Variants in FAM117B observed in about 807,000 individuals in gnomAD.
FAM117B encodes family with sequence similarity 117 member B, also known as protein FAM117B.
FAM117B carries 22 observed loss-of-function variants against 52.8 expected under a neutral mutation model. That is an observed-to-expected ratio of 0.42 (90% CI 0.30 to 0.59). The LOEUF is 0.59. FAM117B is among the 20% of genes least tolerant of loss of function. The probability of loss-of-function intolerance (pLI) is 0.22; values close to 1 mark genes in which losing one functional copy is unlikely to be tolerated. For missense variants in FAM117B, 678 were observed against 802.6 expected (o/e 0.84, Z 1.88); for synonymous variants, 309 against 324.1 (o/e 0.95, Z 0.50).
In FAM117B at chr2:202,689,919, G is replaced by A. The variant is rs548785513; in HGVS notation, c.602-5962G>A. Among the ~76,000 whole-genome samples the A allele has an allele frequency of 3.3e-5, 5 of 152,220 alleles. No homozygotes were observed. In the Middle Eastern group the frequency reaches 0.01, roughly 311 times the overall value. On this transcript the variant is annotated intron_variant, in intron 1 of 7. Coordinates refer to ENST00000392238, the MANE Select transcript of FAM117B (RefSeq NM_173511.4). ...ATCCTGCCACTGCAGTTCGGCCTGG[G>A]TGACAGAGTGAGACCCTGTCTCCAA...
At chr2:202,701,808 C>T (rs1242318204) in intron 2 of FAM117B, among the ~76,000 whole-genome samples, 5 of 152,142 alleles carry the variant, frequency 3.3e-5, no homozygotes, top group Non-Finnish European at 7.4e-5. Context: ...AAAACTTAAG[C>T]ATGACAAATT....
intron 1 of FAM117B, among the ~76,000 whole-genome samples, chr2:202,679,626 C>T (rs546450551): frequency 3.4e-4 from 52 of 152,236 alleles, no homozygotes; most frequent in South Asian, 8.3e-4. Context: ...CCAAAAGGGC[C>T]GTGCCTTAAA....
chr2:202,636,020 C>T (rs1490476483), intron 1 of FAM117B, among the ~76,000 whole-genome samples: 1 of 151,312 alleles, frequency 6.6e-6, no homozygotes, highest in Non-Finnish European at 1.5e-5. Flanking sequence ...CCGCCCCGCA[C>T]GGCTCCCTGG....
At chr2:202,667,397 G>A (rs567117451) in intron 1 of FAM117B, among the ~76,000 whole-genome samples, 60 of 152,148 alleles carry the variant, frequency 3.9e-4, no homozygotes, top group African/African-American at 1.3e-3. Context: ...CACCACGCCC[G>A]GCCTAAGTAT....
At chr2:202,754,926 A>T (rs1160089524) in intron 4 of FAM117B, among the ~76,000 whole-genome samples, 1 of 151,030 alleles carries the variant, frequency 6.6e-6, no homozygotes, top group African/African-American at 2.4e-5. Flanking sequence ...ATTGACTAAC[A>T]GTTCTGCAGG....
At chr2:202,699,426 CAAAAAAAAAAAAA>C (rs751190825) in intron 2 of FAM117B, among the ~76,000 whole-genome samples, 1 of 17,914 alleles carries the variant, frequency 5.6e-5, no homozygotes, top group African/African-American at 1.8e-4. Context: ...GACCCCATCT[CAAAAAAAAAAAAA>C]AAAAAAAAAG....
Position 202,731,761 on chromosome 2 carries a change from G to A in FAM117B, c.960+5398G>A, listed in dbSNP as rs115576441. Among the ~76,000 whole-genome samples the A allele has an allele frequency of 3.6e-3, 540 of 149,478 alleles. 4 individuals are homozygous for A. The highest frequency in any genetic ancestry group is 0.013 in the African/African-American group (521 of 40,570). On this transcript the variant is annotated intron_variant, in intron 4 of 7. Coordinates refer to ENST00000392238, the MANE Select transcript of FAM117B (RefSeq NM_173511.4). Reference sequence around the variant, plus strand: ...TTTTTGTTTGTTTGTTTGCGACGGAGTTTCACTCTTTATGCCCAGGCTAGA... The same window carrying A: ...TTTTTGTTTGTTTGTTTGCGACGGAATTTCACTCTTTATGCCCAGGCTAGA...
At chr2:202,706,703 A>G (rs1384897858) in intron 2 of FAM117B, among the ~76,000 whole-genome samples, 2 of 152,250 alleles carry the variant, frequency 1.3e-5, no homozygotes, top group Admixed American at 1.3e-4. Context: ...TTTTAATGTT[A>G]TGAAAATGAA....
chr2:202,669,531 A>G, intron 1 of FAM117B, among the ~76,000 whole-genome samples: 1 of 150,252 alleles, frequency 6.7e-6, no homozygotes, highest in East Asian at 1.9e-4. Flanking sequence ...AATTTTCTAG[A>G]TTTTTTTTTT....
chr2:202,699,535 G>A (rs1331322922), intron 2 of FAM117B, among the ~76,000 whole-genome samples: 3 of 149,460 alleles, frequency 2.0e-5, no homozygotes, highest in African/African-American at 7.4e-5. Flanking sequence ...TCTCCTAAAG[G>A]ATAACTGGGT....
chr2:202,639,095 G>T (rs893031320), intron 1 of FAM117B, among the ~76,000 whole-genome samples: 2 of 152,188 alleles, frequency 1.3e-5, no homozygotes, highest in Non-Finnish European at 2.9e-5. Flanking sequence ...CAGCTGTGAT[G>T]AATGTAAAAA....
At chr2:202,744,681 A>G (rs1691603664) in intron 4 of FAM117B, among the ~76,000 whole-genome samples, 1 of 152,166 alleles carries the variant, frequency 6.6e-6, no homozygotes, top group African/African-American at 2.4e-5. Context: ...TTCAAAAATA[A>G]AGGAAAGTTG....
chr2:202,699,449 G>GAAAAAAAAA (rs59522030), intron 2 of FAM117B, among the ~76,000 whole-genome samples: 1 of 100,032 alleles, frequency 1.0e-5, no homozygotes, highest in Non-Finnish European at 1.9e-5. Flanking sequence ...AAAAAAAAAA[G>GAAAAAAAAA]AAAAAAAAAA....
intron 1 of FAM117B, among the ~76,000 whole-genome samples, chr2:202,642,306 GTTA>G (rs1445707130): frequency 6.8e-6 from 1 of 147,070 alleles, no homozygotes; most frequent in East Asian, 1.9e-4. Flanking sequence ...GGCACTCACA[GTTA>G]TTATTACTAG....
chr2:202,748,369 A>G (rs983121483), intron 4 of FAM117B, among the ~76,000 whole-genome samples: 1 of 152,200 alleles, frequency 6.6e-6, no homozygotes, highest in Non-Finnish European at 1.5e-5. Context: ...ACATTGGTCT[A>G]GGCAAAGATT....
chr2:202,704,585 A>G (rs922763613), intron 2 of FAM117B, among the ~76,000 whole-genome samples: 3 of 152,170 alleles, frequency 2.0e-5, no homozygotes, highest in Non-Finnish European at 1.5e-5. Flanking sequence ...TTATCATGTC[A>G]CTACTCTAAG....
intron 4 of FAM117B, among the ~76,000 whole-genome samples, chr2:202,753,510 AAATGGGATCT>A (rs1387804703): frequency 6.6e-6 from 1 of 152,242 alleles, no homozygotes; most frequent in Non-Finnish European, 1.5e-5. Flanking sequence ...CAAAATTGAC[AAATGGGATCT>A]AATTAAGCTA....
At chr2:202,686,737 G>C (rs1421456936) in intron 1 of FAM117B, among the ~76,000 whole-genome samples, 1 of 152,028 alleles carries the variant, frequency 6.6e-6, no homozygotes, top group East Asian at 1.9e-4. Context: ...AACCTGGGAG[G>C]GGGAGGTTGC....
At chr2:202,758,262 C>T (rs1000928524) in intron 6 of FAM117B, among the ~76,000 whole-genome samples, 1 of 152,142 alleles carries the variant, frequency 6.6e-6, no homozygotes, top group African/African-American at 2.4e-5. Flanking sequence ...AGAAGACAGA[C>T]GATTCACTGA....
Sources: gnomAD v4.1 joint callset for allele counts (sites outside exome capture counted in the v4.1 genomes callset) on GRCh38, gnomAD v4.1.1 for gene constraint, MANE v1.5 for transcripts, NCBI Gene and HGNC (gene_info 2026-07-23, HGNC 2026-07-21) for gene names.